The following CLPX variants were observed in gnomAD, a reference collection of about 807,000 sequenced individuals.
CLPX encodes caseinolytic mitochondrial matrix peptidase chaperone subunit X, also known as ATP-dependent clpX-like chaperone, mitochondrial.
In CLPX, 34 loss-of-function variants were observed where a neutral mutation model predicts 76.4. The ratio of observed to expected loss-of-function variants is 0.45; its 90% confidence interval spans 0.34 to 0.59. The LOEUF is 0.59. Among genes scored for constraint, CLPX ranks in the 20% least tolerant of loss-of-function variants. CLPX has a pLI of 0.01. For synonymous variants in CLPX, 248 were observed against 270.9 expected (o/e 0.92, Z 0.83); for missense variants, 613 against 757.0 (o/e 0.81, Z 2.23).
chr15:65,152,517 G>T lies in CLPX; in HGVS notation c.1724C>A (p.Pro575Gln). The T allele has an allele frequency of 1.3e-6, 2 of 1,523,868 alleles. No individual in the cohort carries two copies. The highest frequency in any genetic ancestry group is 1.8e-6 in the Non-Finnish European group (2 of 1,135,172). The allele number at this position is 1,523,868 out of a possible 1,614,324, so 94.4% of individuals were successfully genotyped here. A position where few individuals can be genotyped will look rare whatever the true frequency, so the allele number is the denominator to read the frequency against. The part of the protein sequence containing the change: ...RSIMEKLLLE[P>Q]MFEVPNSDIV... Reference sequence around the variant, plus strand: ...ATCAGAATTAGGGACTTCAAACATTGGTTCTAGTAACAGCTTTTCCTAAAG... The same window carrying T: ...ATCAGAATTAGGGACTTCAAACATTTGTTCTAGTAACAGCTTTTCCTAAAG... The change falls in exon 13 of 14, where the codon CCA becomes CAA. Residue 575 changes from proline to glutamine, a missense_variant. Around this residue, in one of 2 missense-constraint regions of CLPX, gnomAD observed 450 missense variants for 638.6 expected, o/e 0.70. Transcript: ENST00000300107.
intron 3 of CLPX, among the ~76,000 whole-genome samples, chr15:65,174,705 A>C (rs1010640886): frequency 1.3e-5 from 2 of 152,214 alleles, no homozygotes; most frequent in African/African-American, 2.4e-5. Flanking sequence ...TAGTTCTAGG[A>C]CCACCCACAT....
In CLPX at chr15:65,149,008, A is replaced by AT. The variant is rs2087685636; in HGVS notation, c.*1814dup. On this transcript the variant is annotated 3_prime_UTR_variant, in exon 14 of 14. Transcript: ENST00000300107. ...TACTTTGGCTGATAGCAAAACATAG[A>AT]TTTTTTAAAATGTTCTAAGAAGCCA... is the stretch of plus-strand genomic sequence containing the variant. The AT allele has an allele frequency of 6.6e-6, 1 of 152,214 alleles. No homozygotes were observed. The highest frequency in any genetic ancestry group is 6.5e-5 in the Admixed American group (1 of 15,276). The allele number at this position is 152,214 out of a possible 1,614,324, so 9.4% of individuals were successfully genotyped here. A position where few individuals can be genotyped will look rare whatever the true frequency, so the allele number is the denominator to read the frequency against.
intron 3 of CLPX, among the ~76,000 whole-genome samples, chr15:65,170,422 G>A (rs773239538): frequency 1.6e-4 from 25 of 151,974 alleles, no homozygotes; most frequent in Non-Finnish European, 1.6e-4. Flanking sequence ...GCACACCTAC[G>A]TCTTTACAAA....
In CLPX at chr15:65,148,979, C is replaced by A. The variant is rs1223115131; in HGVS notation, c.*1844G>T. The A allele has an allele frequency of 6.6e-6, 1 of 152,194 alleles. No homozygotes were observed. Among genetic ancestry groups the A allele is most frequent in the African/African-American group, 2.4e-5 (1 of 41,448 alleles). The allele number at this position is 152,194 out of a possible 1,614,324, so 9.4% of individuals were successfully genotyped here. A position where few individuals can be genotyped will look rare whatever the true frequency, so the allele number is the denominator to read the frequency against. On this transcript the variant is annotated 3_prime_UTR_variant, in exon 14 of 14. Transcript: ENST00000300107. ...AGTAACTTATATGTTAGTGTGAACA[C>A]ATTTACTTTGGCTGATAGCAAAACA... is the stretch of plus-strand genomic sequence containing the variant.
chr15:65,178,838 ATATT>A (rs1486955298), intron 3 of CLPX, 92 bp downstream of exon 3: 12 of 671,808 alleles, frequency 1.8e-5, no homozygotes, highest in Non-Finnish European at 2.7e-5. Flanking sequence ...CACCTGGCCT[ATATT>A]TATACATTTT....
At position 65,150,223 on chromosome 15, in the gene CLPX, C is replaced by A. The variant is rs2087702623; in HGVS notation, c.*600G>T. On this transcript the variant is annotated 3_prime_UTR_variant, in exon 14 of 14. Transcript: ENST00000300107. Reference sequence around the variant, plus strand: ...TACAGGCACCTGCCACGGCACCCAGCTAATTTTTCATATTTTTAGTAGAGA... The same window carrying A: ...TACAGGCACCTGCCACGGCACCCAGATAATTTTTCATATTTTTAGTAGAGA... 6.6e-6 allele frequency: 1 copy of A among 152,268 alleles called. No homozygotes were observed. The highest frequency in any genetic ancestry group is 2.1e-4 in the South Asian group (1 of 4,828). The allele number at this position is 152,268 out of a possible 1,614,324, so 9.4% of individuals were successfully genotyped here.
chr15:65,182,097 T>C (rs1335995282), intron 1 of CLPX, among the ~76,000 whole-genome samples: 2 of 132,328 alleles, frequency 1.5e-5, no homozygotes, highest in African/African-American at 5.9e-5. Flanking sequence ...CACTCCAGCT[T>C]AAGCAACAGA....
chr15:65,160,270 G>C (rs540260685), intron 6 of CLPX, among the ~76,000 whole-genome samples: 9 of 152,096 alleles, frequency 5.9e-5, no homozygotes, highest in Admixed American at 2.0e-4. Context: ...TAAGGTAAAG[G>C]GTTATTCTAT....
At position 65,150,239 on chromosome 15, in the gene CLPX, T is replaced by C. The variant is rs1182694622; in HGVS notation, c.*584A>G. On this transcript the variant is annotated 3_prime_UTR_variant, in exon 14 of 14. Transcript: ENST00000300107. ...GGCACCCAGCTAATTTTTCATATTT[T>C]TAGTAGAGATGGGGTTTCACCATCT... The C allele has an allele frequency of 3.3e-5, 5 of 152,216 alleles. No homozygotes were observed. The highest frequency in any genetic ancestry group is 5.9e-5 in the Non-Finnish European group (4 of 68,064). The allele number at this position is 152,216 out of a possible 1,614,324, so 9.4% of individuals were successfully genotyped here.
chr15:65,166,567 G>A lies in CLPX; in HGVS notation c.513+64C>T, dbSNP rs574637930. 1.9e-4 allele frequency: 290 copies of A among 1,527,404 alleles called. 1 individual carries two copies. The African/African-American group carries it at 3.6e-3, about 19-fold the overall frequency. The allele number at this position is 1,527,404 out of a possible 1,614,324, so 94.6% of individuals were successfully genotyped here. ...GTATTAGGATTCAGTGTAAACTTGG[G>A]AGAGGGAAGCAATGGAATGTTTTCA... On this transcript the variant is annotated intron_variant, in intron 4 of 13. Coordinates refer to ENST00000300107, the MANE Select transcript of CLPX (RefSeq NM_006660.5).
Position 65,148,699 on chromosome 15 carries a change from A to G in CLPX, c.*2124T>C. On this transcript the variant is annotated 3_prime_UTR_variant, in exon 14 of 14. Transcript: ENST00000300107. Reference sequence around the variant, plus strand: ...AATAGCTTTAGTTTTTCCCTAAAAAAAACTGTGTAAAAGGAAAGCTCGAGT... The same window carrying G: ...AATAGCTTTAGTTTTTCCCTAAAAAGAACTGTGTAAAAGGAAAGCTCGAGT... The G allele has an allele frequency of 6.6e-6, 1 of 152,124 alleles. No individual in the cohort carries two copies. The highest frequency in any genetic ancestry group is 1.9e-4 in the East Asian group (1 of 5,202). 9.4% of individuals were successfully genotyped at this position (152,124 alleles called of 1,614,324 possible). A position where few individuals can be genotyped will look rare whatever the true frequency, so the allele number is the denominator to read the frequency against.
intron 13 of CLPX, 112 bp downstream of exon 13, chr15:65,152,318 C>T: frequency 2.5e-6 from 1 of 406,698 alleles, no homozygotes; most frequent in Non-Finnish European, 4.3e-6. Context: ...TTATTGCTTC[C>T]CTTAGAAATA....
chr15:65,175,738 C>G (rs2088082902), intron 3 of CLPX, among the ~76,000 whole-genome samples: 1 of 152,188 alleles, frequency 6.6e-6, no homozygotes, highest in African/African-American at 2.4e-5. Context: ...TCCAGATTTT[C>G]AGACTACGGA....
chr15:65,163,727 T>TG (rs2087878298), intron 5 of CLPX, among the ~76,000 whole-genome samples: 1 of 151,696 alleles, frequency 6.6e-6, no homozygotes, highest in Non-Finnish European at 1.5e-5. Context: ...CCTCAAGTGA[T>TG]CCCCCCGCCT....
intron 3 of CLPX, among the ~76,000 whole-genome samples, chr15:65,174,845 G>A (rs2088067008): frequency 6.6e-6 from 1 of 152,120 alleles, no homozygotes; most frequent in African/African-American, 2.4e-5. Flanking sequence ...AAGTAGGCCT[G>A]AGCAATTCAA....
intron 1 of CLPX, among the ~76,000 whole-genome samples, chr15:65,181,321 A>G (rs937945437): frequency 2.6e-5 from 4 of 152,162 alleles, no homozygotes; most frequent in African/African-American, 9.7e-5. Context: ...ATGGAGAGTT[A>G]TTGTTGTAAT....
rs1360934773 is a variant in CLPX, at chr15:65,166,736, C to G, written c.408G>C (p.Val136=). The part of the protein sequence containing the change: ...KCEKCHHFFV[V]LSEADSKKSI... ...TTTTCTTTGAGTCTGCTTCAGATAGCACAACAAAAAAATGATGACACTTTT... is the reference window on the plus strand; with the variant it reads ...TTTTCTTTGAGTCTGCTTCAGATAGGACAACAAAAAAATGATGACACTTTT... Residue 136 remains valine (V), a synonymous_variant, in exon 4 of 14, where the codon GTG becomes GTC. Transcript: ENST00000300107. The G allele has an allele frequency of 6.2e-7, 1 of 1,613,314 alleles. No homozygotes were observed. Among genetic ancestry groups the G allele is most frequent in the South Asian group, 1.1e-5 (1 of 90,938 alleles).
At chr15:65,175,722 T>G (rs1036253668) in intron 3 of CLPX, among the ~76,000 whole-genome samples, 2 of 152,178 alleles carry the variant, frequency 1.3e-5, no homozygotes, top group African/African-American at 4.8e-5. Context: ...TCAGAGCATT[T>G]TGAATTCCAG....
At chr15:65,160,410 G>A (rs148795515) in intron 6 of CLPX, among the ~76,000 whole-genome samples, 38 of 152,270 alleles carry the variant, frequency 2.5e-4, no homozygotes, top group African/African-American at 9.1e-4. Flanking sequence ...AACTCAGTCT[G>A]CTGTATGAGG....
Sources: allele counts gnomAD v4.1 joint callset (sites outside exome capture counted in the v4.1 genomes callset), GRCh38; gene constraint gnomAD v4.1.1; regional missense constraint gnomAD v4.1.1; transcripts MANE v1.5; gene names NCBI Gene and HGNC (gene_info 2026-07-23, HGNC 2026-07-21).